Variants in PPARGC1A observed in about 807,000 individuals in gnomAD.
PPARGC1A encodes the protein PPARG coactivator 1 alpha.
In PPARGC1A, 25 loss-of-function variants were observed where a neutral mutation model predicts 88.7. The ratio of observed to expected loss-of-function variants is 0.28; its 90% CI spans 0.21 to 0.39. The LOEUF (loss-of-function observed/expected upper bound fraction) is 0.39, where lower values mean the gene tolerates loss of function less well. Ranked by LOEUF, PPARGC1A falls within the 10% of genes least tolerant of loss-of-function variation. The pLI is 1.00. For synonymous variants in PPARGC1A, 363 were observed against 355.6 expected, an observed-to-expected ratio of 1.02 and a Z score of -0.24; for missense variants, 880 against 968.7, an observed-to-expected ratio of 0.91 and a Z score of 1.22.
chr4:24,266,890 T>C, the PPARGC1A span, among the ~76,000 whole-genome samples: 30 of 152,336 alleles, frequency 2.0e-4, 2 homozygotes, highest in South Asian at 5.2e-3. Flanking sequence ...AATTGAATAC[T>C]ATGCCACTAG....
chr4:24,454,624 C>A, the PPARGC1A span, among the ~76,000 whole-genome samples: 1 of 151,860 alleles, frequency 6.6e-6, no homozygotes, highest in Admixed American at 6.6e-5. Context: ...TATAGCCCCA[C>A]CTACTCAGGA....
the PPARGC1A span, among the ~76,000 whole-genome samples, chr4:24,363,495 G>A: frequency 6.6e-6 from 1 of 152,262 alleles, no homozygotes; most frequent in African/African-American, 2.4e-5. Flanking sequence ...TTATATTAAA[G>A]TGTTACTAAA....
chr4:23,864,738 G>A (rs1577565160), intron 2 of PPARGC1A, among the ~76,000 whole-genome samples: 1 of 152,204 alleles, frequency 6.6e-6, no homozygotes, highest in Non-Finnish European at 1.5e-5. Flanking sequence ...TAGGCAACCT[G>A]GTGTGTGCTG....
intron 1 of PPARGC1A, among the ~76,000 whole-genome samples, chr4:23,886,331 G>A (rs1716883708): frequency 6.6e-6 from 1 of 152,066 alleles, no homozygotes; most frequent in Non-Finnish European, 1.5e-5. Flanking sequence ...TCCCTGGCAG[G>A]GATTCCTAGC....
chr4:23,894,354 C>T (rs1718264833), upstream of PPARGC1A, among the ~76,000 whole-genome samples: 1 of 151,910 alleles, frequency 6.6e-6, no homozygotes, highest in African/African-American at 2.4e-5. Context: ...TGCTTTGGGC[C>T]TCTGGTTAGA....
chr4:24,393,745 C>T, the PPARGC1A span, among the ~76,000 whole-genome samples: 2 of 152,200 alleles, frequency 1.3e-5, no homozygotes, highest in Non-Finnish European at 2.9e-5. Context: ...GTCATCTGTA[C>T]TAGTATTTGC....
chr4:23,843,933 C>A (rs1727513222), intron 2 of PPARGC1A, among the ~76,000 whole-genome samples: 1 of 151,850 alleles, frequency 6.6e-6, no homozygotes, highest in Admixed American at 6.6e-5. Flanking sequence ...GATACATATA[C>A]ATAAGTATAC....
chr4:23,967,855 G>A, the PPARGC1A span, among the ~76,000 whole-genome samples: 5 of 152,074 alleles, frequency 3.3e-5, no homozygotes, highest in South Asian at 1.0e-3. Context: ...TGCAAGGGCT[G>A]TGTTGAAGAA....
chr4:24,215,301 T>A, the PPARGC1A span, among the ~76,000 whole-genome samples: 1 of 152,218 alleles, frequency 6.6e-6, no homozygotes, highest in Non-Finnish European at 1.5e-5. Context: ...AATGGGATTG[T>A]GCACACTTGC....
the PPARGC1A span, among the ~76,000 whole-genome samples, chr4:24,334,025 G>A: frequency 6.6e-6 from 1 of 151,062 alleles, no homozygotes; most frequent in Middle Eastern, 3.5e-3. Flanking sequence ...ATTCAGGGTG[G>A]CATCAGAATC....
chr4:24,114,943 T>C, the PPARGC1A span, among the ~76,000 whole-genome samples: 1 of 152,196 alleles, frequency 6.6e-6, no homozygotes, highest in Non-Finnish European at 1.5e-5. Context: ...ACTTAATTTA[T>C]TTCATACTTT....
chr4:24,287,524 G>A, the PPARGC1A span, among the ~76,000 whole-genome samples: 2 of 151,286 alleles, frequency 1.3e-5, no homozygotes, highest in Non-Finnish European at 2.9e-5. Context: ...GGAGTGCTGA[G>A]AAAAAAAAAT....
At chr4:24,366,848 A>C in the PPARGC1A span, among the ~76,000 whole-genome samples, 1 of 152,230 alleles carries the variant, frequency 6.6e-6, no homozygotes. Context: ...AATAGAAACG[A>C]GTATTTTCCA....
chr4:24,382,448 G>A, the PPARGC1A span, among the ~76,000 whole-genome samples: 3 of 152,158 alleles, frequency 2.0e-5, no homozygotes, highest in Non-Finnish European at 4.4e-5. Context: ...CAGGAAGTAA[G>A]GGAGGGAGGA....
the PPARGC1A span, among the ~76,000 whole-genome samples, chr4:24,248,122 TTTTTC>T: frequency 6.6e-6 from 1 of 151,948 alleles, no homozygotes; most frequent in East Asian, 1.9e-4. Context: ...TTCTTTCTCT[TTTTTC>T]TTTTTTCTTT....
At chr4:23,966,817 G>A in the PPARGC1A span, among the ~76,000 whole-genome samples, 2 of 152,164 alleles carry the variant, frequency 1.3e-5, no homozygotes, top group East Asian at 3.9e-4. Flanking sequence ...ACAGCAACCT[G>A]TGTATGAATT....
At chr4:24,038,809 A>G in the PPARGC1A span, among the ~76,000 whole-genome samples, 2 of 152,206 alleles carry the variant, frequency 1.3e-5, no homozygotes, top group African/African-American at 4.8e-5. Flanking sequence ...CATACCAGAC[A>G]CTACACTGAG....
At chr4:24,174,690 A>G in the PPARGC1A span, among the ~76,000 whole-genome samples, 1 of 152,148 alleles carries the variant, frequency 6.6e-6, no homozygotes, top group South Asian at 2.1e-4. Flanking sequence ...GTTCCAACCC[A>G]AGTCTTATGA....
At chr4:23,802,367 G>C (rs775434056) in intron 10 of PPARGC1A, 22 bp from the exon 11 acceptor site, 1 of 1,613,660 alleles carries the variant, frequency 6.2e-7, no homozygotes, top group Non-Finnish European at 8.5e-7. Context: ...AGGAAGGAGA[G>C]AGTTCTGGAG....
Sources: gnomAD v4.1 joint callset for allele counts (sites outside exome capture counted in the v4.1 genomes callset) on GRCh38, gnomAD v4.1.1 for gene constraint, MANE v1.5 for transcripts, NCBI Gene and HGNC (gene_info 2026-07-23, HGNC 2026-07-21) for gene names.